The following DNAJC17 variants were observed in gnomAD, a reference collection of about 807,000 sequenced individuals.
DNAJC17 encodes the protein DnaJ heat shock protein family (Hsp40) member C17.
Under a neutral mutation model 48.1 loss-of-function variants are expected in DNAJC17, and 35 were observed. The observed-to-expected ratio is 0.73, with a 90% confidence interval of 0.56 to 0.96. The LOEUF (loss-of-function observed/expected upper bound fraction) is 0.96, where lower values mean the gene tolerates loss of function less well. Ranked by LOEUF, DNAJC17 falls within the 50% of genes least tolerant of loss-of-function variation. The pLI is 0.00. For synonymous variants in DNAJC17, 117 were observed against 142.7 expected, an observed-to-expected ratio of 0.82 and a Z score of 1.28; for missense variants, 355 against 377.1, an observed-to-expected ratio of 0.94 and a Z score of 0.48.
chr15:40,782,111 C>T (rs1254436870), intron 1 of DNAJC17, among the ~76,000 whole-genome samples: 1 of 152,008 alleles, frequency 6.6e-6, no homozygotes, highest in Non-Finnish European at 1.5e-5. Flanking sequence ...CTTTGTCCCC[C>T]TACTCAGGAG....
intron 1 of DNAJC17, among the ~76,000 whole-genome samples, chr15:40,805,761 G>T (rs955474612): frequency 8.6e-5 from 13 of 151,470 alleles, no homozygotes; most frequent in African/African-American, 2.9e-4. Flanking sequence ...AACCCGAGAG[G>T]CGGAGGTTGC....
chr15:40,774,292 A>G lies in DNAJC17; in HGVS notation c.681+64T>C, dbSNP rs77112154. 2,009 of 1,572,338 alleles carry G rather than the reference A, an allele frequency of 1.3e-3. 17 individuals carry two copies. In the East Asian group the frequency reaches 0.028, roughly 22 times the overall value. On this transcript the variant is annotated intron_variant, in intron 9 of 10. Coordinates refer to ENST00000220496, the MANE Select transcript of DNAJC17 (RefSeq NM_018163.3). ...ACCACCTAACTCAGAGGGCCCACAG[A>G]ATTGGGTCCCTGCCCTAGAATGACA...
chr15:40,790,805 C>T (rs762196181), intron 1 of DNAJC17, among the ~76,000 whole-genome samples: 5 of 152,126 alleles, frequency 3.3e-5, no homozygotes, highest in Non-Finnish European at 5.9e-5. Context: ...GTTAATGAAT[C>T]GCTTACAGCT....
In DNAJC17 at chr15:40,767,795, G is replaced by A. The variant is rs531794079; in HGVS notation, c.*145C>T. ...TGGGGGTCTGCCCACTTCCTGGGAG[G>A]GGCGCCAGGCCTGGGTGGAGCGCTC... On this transcript the variant is annotated 3_prime_UTR_variant, in exon 11 of 11. Transcript: ENST00000220496. 1.5e-4 allele frequency: 190 copies of A among 1,228,946 alleles called. 3 individuals are homozygous for A. The East Asian group carries it at 4.9e-3, about 32-fold the overall frequency. The allele number at this position is 1,228,946 out of a possible 1,614,324, so 76.1% of individuals were successfully genotyped here.
At chr15:40,780,687 A>G in intron 1 of DNAJC17, 1 of 254,762 alleles carries the variant, frequency 3.9e-6, no homozygotes, top group Non-Finnish European at 7.8e-6. Flanking sequence ...AGTGGCGGGC[A>G]GCTGTAATCC....
At chr15:40,806,911 CA>C (rs201933431) in intron 1 of DNAJC17, among the ~76,000 whole-genome samples, 1 of 130,124 alleles carries the variant, frequency 7.7e-6, no homozygotes, top group South Asian at 2.7e-4. Context: ...GTCACATTGG[CA>C]AGGGGGCATG....
At chr15:40,794,397 C>T (rs1348208731) in intron 1 of DNAJC17, among the ~76,000 whole-genome samples, 2 of 150,742 alleles carry the variant, frequency 1.3e-5, no homozygotes, top group Non-Finnish European at 3.0e-5. Context: ...TTCGGCTGGG[C>T]ACAGTGGCTC....
Position 40,774,585 on chromosome 15 carries a change from T to G in DNAJC17, c.601-149A>C, listed in dbSNP as rs8023337. On this transcript the variant is annotated intron_variant, in intron 8 of 10. Coordinates refer to ENST00000220496, the MANE Select transcript of DNAJC17 (RefSeq NM_018163.3). ...GCCCCACCTACTTATCTTAGTGAAG[T>G]GAGATCAGAGATAGGAAAGAAAGAA... The G allele has an allele frequency of 5.1e-3, 4,269 of 834,164 alleles. 18 individuals are homozygous for G. Among genetic ancestry groups the G allele is most frequent in the Non-Finnish European group, 6.9e-3 (3,593 of 522,452 alleles). 51.7% of individuals were successfully genotyped at this position (834,164 alleles called of 1,614,324 possible).
intron 1 of DNAJC17, among the ~76,000 whole-genome samples, chr15:40,803,111 A>G (rs1190804393): frequency 6.6e-6 from 1 of 151,330 alleles, no homozygotes; most frequent in African/African-American, 2.4e-5. Flanking sequence ...CAAAAAAAAA[A>G]AAAAGAAAAA....
chr15:40,803,275 G>A (rs1890120318), intron 1 of DNAJC17, among the ~76,000 whole-genome samples: 1 of 152,082 alleles, frequency 6.6e-6, no homozygotes, highest in South Asian at 2.1e-4. Flanking sequence ...GTTCTTCCTT[G>A]TATACACTTT....
Position 40,770,975 on chromosome 15 carries a change from A to G in DNAJC17, c.792+2752T>C, listed in dbSNP as rs375299630. 1 of 1,551,128 alleles carries G rather than the reference A, an allele frequency of 6.4e-7. No individual in the cohort carries two copies. Among genetic ancestry groups the G allele is most frequent in the Non-Finnish European group, 8.7e-7 (1 of 1,146,990 alleles). ...ACCTGGGGATTTCACTTCTTGAGGA[A>G]GTTCTGCAGATGCTAAGGGAGCAGT... On this transcript the variant is annotated intron_variant, in intron 10 of 10. Transcript: ENST00000220496. The surrounding 1 kb of genome is among the most constrained non-coding windows in gnomAD (Gnocchi z 5.0).
rs972412838 is a variant in DNAJC17, at chr15:40,767,807, T to A, written c.*133A>T. On this transcript the variant is annotated 3_prime_UTR_variant, in exon 11 of 11. Coordinates refer to ENST00000220496, the MANE Select transcript of DNAJC17 (RefSeq NM_018163.3). ...CACTTCCTGGGAGGGGCGCCAGGCC[T>A]GGGTGGAGCGCTCTGCGGCAGAGCC... The A allele has an allele frequency of 7.4e-7, 1 of 1,352,566 alleles. No homozygotes were observed. Among genetic ancestry groups the A allele is most frequent in the Non-Finnish European group, 9.9e-7 (1 of 1,014,216 alleles). The allele number at this position is 1,352,566 out of a possible 1,614,324, so 83.8% of individuals were successfully genotyped here.
chr15:40,803,357 G>A (rs556091468), intron 1 of DNAJC17, among the ~76,000 whole-genome samples: 130 of 152,322 alleles, frequency 8.5e-4, no homozygotes, highest in Admixed American at 1.3e-3. Context: ...TTAAACCATG[G>A]TGCGGGGACA....
intron 1 of DNAJC17, among the ~76,000 whole-genome samples, chr15:40,801,522 C>T (rs1315306304): frequency 1.3e-5 from 2 of 152,040 alleles, no homozygotes; most frequent in African/African-American, 2.4e-5. Flanking sequence ...TTTGGGAGGC[C>T]GAGGTGGGCG....
chr15:40,789,903 C>CAAAAAAAAAAAAAAAAAAAAAAAA (rs71428311), intron 1 of DNAJC17, among the ~76,000 whole-genome samples: 1 of 20,012 alleles, frequency 5.0e-5, no homozygotes, highest in Admixed American at 8.0e-4. Context: ...CAGACTGTCT[C>CAAAAAAAAAAAAAAAAAAAAAAAA]AAAAAAAAAA....
chr15:40,803,839 T>G (rs1458948796), intron 1 of DNAJC17, among the ~76,000 whole-genome samples: 1 of 152,272 alleles, frequency 6.6e-6, no homozygotes, highest in African/African-American at 2.4e-5. Context: ...GAGTTAGAAC[T>G]GGATCCCAGC....
At chr15:40,793,434 C>T (rs1400009117) in intron 1 of DNAJC17, among the ~76,000 whole-genome samples, 2 of 152,138 alleles carry the variant, frequency 1.3e-5, no homozygotes, top group Admixed American at 1.3e-4. Flanking sequence ...AGTACCTTGT[C>T]CATGGTGAGA....
At chr15:40,782,796 A>G (rs57096780) in intron 1 of DNAJC17, among the ~76,000 whole-genome samples, 13,948 of 152,080 alleles carry the variant, frequency 0.092, 1,732 homozygotes, top group African/African-American at 0.28. Flanking sequence ...CAGGACCTCT[A>G]GGGGTGTGCT....
chr15:40,768,091 G>A (rs1208522018), intron 10 of DNAJC17, 29 bp from the exon 11 acceptor site: 1 of 1,517,140 alleles, frequency 6.6e-7, no homozygotes, highest in Admixed American at 2.2e-5. Context: ...ACAGGGAGGG[G>A]TCAGGGACAG....
Sources: gnomAD v4.1 joint callset for allele counts (sites outside exome capture counted in the v4.1 genomes callset) on GRCh38, gnomAD v4.1.1 for gene constraint, Gnocchi (gnomAD v3.1) non-coding constraint, MANE v1.5 for transcripts, NCBI Gene and HGNC (gene_info 2026-07-23, HGNC 2026-07-21) for gene names.